CDCA2: variants seen among roughly 807,000 people sequenced by gnomAD.
CDCA2 encodes cell division cycle-associated protein 2.
A neutral mutation model predicts 67.0 loss-of-function variants in CDCA2; 44 were observed. That is an observed-to-expected ratio of 0.66 (90% confidence interval 0.52 to 0.84). CDCA2 has a LOEUF of 0.84. Ranked by LOEUF, CDCA2 falls within the 40% of genes least tolerant of loss-of-function variation. CDCA2 has a pLI of 0.00. For missense variants in CDCA2, 1,253 were observed against 1,203.2 expected (o/e 1.04, Z -0.61); for synonymous variants, 447 against 418.7 (o/e 1.07, Z -0.82).
rs140463498 is a variant in CDCA2 at position 25,495,328 on chromosome 8, A to G, written c.1671+6639A>G. On this transcript the variant is annotated intron_variant, in intron 13 of 14. Transcript: ENST00000330560. ...AGAACAATCTCTAATAAGCGAAAGC[A>G]AAATTTGACAAATTCTTACTATGTC... 1.4e-4 allele frequency among the ~76,000 whole-genome samples: 22 copies of G among 152,372 alleles called. No homozygotes were observed. The East Asian group carries it at 4.0e-3, about 28-fold the overall frequency.
Position 25,487,269 on chromosome 8 carries a change from A to G in CDCA2, c.1468A>G (p.Asn490Asp), listed in dbSNP as rs200944861. 152 of 1,612,036 alleles carry G rather than the reference A, an allele frequency of 9.4e-5. No homozygotes were observed. The highest frequency in any genetic ancestry group is 2.5e-4 in the Admixed American group (15 of 59,892). ...AGGCACTGATACCTTTAGTTCTTCA[A>G]ATAACCATGAGAAAATATCCTCTCC... Reference protein sequence around the residue: ...LSGTDTFSSSNNHEKISSPKV... With the variant: ...LSGTDTFSSSDNHEKISSPKV... Residue 490 changes from asparagine (N) to aspartate (D), a missense_variant, in exon 12 of 15, where the codon AAT (asparagine) becomes GAT (aspartate). By Grantham distance (23) the Asn-to-Asp change is conservative (BLOSUM62 1). Coordinates refer to ENST00000330560, the MANE Select transcript of CDCA2 (RefSeq NM_152562.4).
intron 8 of CDCA2, among the ~76,000 whole-genome samples, chr8:25,483,156 T>C (rs1803634125): frequency 6.6e-6 from 1 of 152,224 alleles, no homozygotes; most frequent in African/African-American, 2.4e-5. Context: ...CCCATGTTTA[T>C]TGATTTCTAT....
chr8:25,482,729 G>C (rs1803620410), intron 8 of CDCA2, among the ~76,000 whole-genome samples: 1 of 152,160 alleles, frequency 6.6e-6, no homozygotes, highest in Non-Finnish European at 1.5e-5. Context: ...AATTAGCTGG[G>C]TGTGGTAGTG....
At chr8:25,460,600 A>G in intron 3 of CDCA2, 46 bp downstream of exon 3, 1 of 1,552,088 alleles carries the variant, frequency 6.4e-7, no homozygotes, top group South Asian at 1.2e-5. Context: ...AAGTTTAAAA[A>G]TAACTTTAAT....
chr8:25,478,896 A>G (rs1054719367), intron 7 of CDCA2, among the ~76,000 whole-genome samples: 1 of 148,608 alleles, frequency 6.7e-6, no homozygotes, highest in Non-Finnish European at 1.5e-5. Flanking sequence ...GTGTATATAT[A>G]TATATATATA....
intron 13 of CDCA2, among the ~76,000 whole-genome samples, chr8:25,490,229 A>G (rs1340728800): frequency 6.6e-6 from 1 of 151,984 alleles, no homozygotes; most frequent in Non-Finnish European, 1.5e-5. Flanking sequence ...ATTTTAAAGC[A>G]CTCTTACAAA....
At chr8:25,501,868 C>T (rs1586533110) in intron 13 of CDCA2, among the ~76,000 whole-genome samples, 1 of 152,118 alleles carries the variant, frequency 6.6e-6, no homozygotes, top group Non-Finnish European at 1.5e-5. Flanking sequence ...GAATGAATTC[C>T]ACTTTCCAGA....
chr8:25,496,218 T>G (rs1586521682), intron 13 of CDCA2, among the ~76,000 whole-genome samples: 1 of 152,208 alleles, frequency 6.6e-6, no homozygotes, highest in Non-Finnish European at 1.5e-5. Context: ...TGACCAGATA[T>G]GATCATCAGC....
At chr8:25,466,138 G>A in intron 4 of CDCA2, 37 bp from the exon 5 acceptor site, 3 of 1,562,894 alleles carry the variant, frequency 1.9e-6, no homozygotes, top group South Asian at 1.2e-5. Flanking sequence ...AGTATGAATT[G>A]ATTATAATAC....
chr8:25,461,489 C>T (rs949796446), intron 3 of CDCA2, among the ~76,000 whole-genome samples: 5 of 152,088 alleles, frequency 3.3e-5, no homozygotes, highest in Non-Finnish European at 5.9e-5. Flanking sequence ...TAAGACAAGG[C>T]GAAAGTGGCA....
chr8:25,477,021 G>T (rs1370784955), intron 7 of CDCA2, among the ~76,000 whole-genome samples: 1 of 152,110 alleles, frequency 6.6e-6, no homozygotes, highest in Non-Finnish European at 1.5e-5. Flanking sequence ...TTGCCTTCTA[G>T]CCAGAACACC....
At chr8:25,491,233 T>C (rs1586512025) in intron 13 of CDCA2, among the ~76,000 whole-genome samples, 1 of 151,478 alleles carries the variant, frequency 6.6e-6, no homozygotes, top group Non-Finnish European at 1.5e-5. Context: ...AAGGAGAAAA[T>C]AGAATGGGAG....
chr8:25,480,102 A>T lies in CDCA2; in HGVS notation c.1010A>T (p.Lys337Met). 2.5e-6 allele frequency: 4 copies of T among 1,614,152 alleles called. No homozygotes were observed. The highest frequency in any genetic ancestry group is 3.4e-6 in the Non-Finnish European group (4 of 1,180,000). The change falls in exon 8 of 15, where the codon AAG becomes ATG. Residue 337 changes from lysine to methionine, a missense_variant. Transcript: ENST00000330560. ...LRSVLKKPSVKMCLESLQEHC... is the reference protein window; with the variant it reads ...LRSVLKKPSVMMCLESLQEHC... ...TCTGTACTGAAGAAACCCTCTGTTA[A>T]GATGTGTCTAGAGAGCTTACAGGTA...
rs767301536 is a variant in CDCA2 at position 25,507,408 on chromosome 8, C to T, written c.2742C>T (p.Ser914=). The change falls in exon 15 of 15, where the codon TCC becomes TCT. Residue 914 remains serine (S), a synonymous_variant. Coordinates refer to ENST00000330560, the MANE Select transcript of CDCA2 (RefSeq NM_152562.4). ...GLVWISLPLP[S]TSQKAKRRTI... is the part of the protein sequence containing the mutation. ...TATGGATTTCACTTCCACTTCCTTC[C>T]ACTTCCCAAAAAGCCAAAAGAAGAA... is the stretch of plus-strand genomic sequence containing the variant. 8.7e-6 allele frequency: 14 copies of T among 1,613,920 alleles called. No homozygotes were observed. In the East Asian group the frequency reaches 3.1e-4, roughly 36 times the overall value.
intron 13 of CDCA2, among the ~76,000 whole-genome samples, chr8:25,502,506 G>C: frequency 6.6e-6 from 1 of 151,546 alleles, no homozygotes; most frequent in Non-Finnish European, 1.5e-5. Context: ...TCTTCTGCTT[G>C]TGCTTGTTAA....
At position 25,479,974 on chromosome 8, in the gene CDCA2, G is replaced by T; in HGVS notation, c.882G>T (p.Thr294=). The T allele has an allele frequency of 6.2e-7, 1 of 1,614,126 alleles. No homozygotes were observed. Among genetic ancestry groups the T allele is most frequent in the Non-Finnish European group, 8.5e-7 (1 of 1,180,038 alleles). ...KGSSDAVSPD[T]FTAEVSSDAV... is the part of the protein sequence containing the mutation. Reference sequence around the variant, plus strand: ...CAAGTGATGCCGTTTCGCCTGACACGTTCACAGCAGAAGTGAGCTCAGACG... The same window carrying T: ...CAAGTGATGCCGTTTCGCCTGACACTTTCACAGCAGAAGTGAGCTCAGACG... The change falls in exon 8 of 15, where the codon ACG becomes ACT. Residue 294 remains threonine, a synonymous_variant. Coordinates refer to ENST00000330560, the MANE Select transcript of CDCA2 (RefSeq NM_152562.4).
intron 13 of CDCA2, among the ~76,000 whole-genome samples, chr8:25,492,540 CTA>C (rs1417216030): frequency 1.3e-5 from 2 of 151,972 alleles, no homozygotes; most frequent in Non-Finnish European, 2.9e-5. Context: ...AAATAAAAGT[CTA>C]TATAAAAGTT....
chr8:25,478,904 A>ATG (rs925394818), intron 7 of CDCA2, among the ~76,000 whole-genome samples: 12 of 149,566 alleles, frequency 8.0e-5, no homozygotes, highest in Admixed American at 6.0e-4. Flanking sequence ...ATATATATAT[A>ATG]TATATATATT....
At chr8:25,467,789 A>G (rs1347978624) in intron 5 of CDCA2, among the ~76,000 whole-genome samples, 2 of 152,002 alleles carry the variant, frequency 1.3e-5, no homozygotes, top group African/African-American at 4.8e-5. Context: ...CTTTTCATTG[A>G]TAATTTAGAC....
Sources: gnomAD v4.1 joint callset for allele counts (sites outside exome capture counted in the v4.1 genomes callset) on GRCh38, gnomAD v4.1.1 for gene constraint, MANE v1.5 for transcripts, NCBI Gene and HGNC (gene_info 2026-07-23, HGNC 2026-07-21) for gene names.